Variants in SPINK13 observed in about 807,000 individuals in gnomAD.
SPINK13 encodes the protein serine peptidase inhibitor Kazal type 13.
Under a neutral mutation model 11.0 loss-of-function variants are expected in SPINK13, and 11 were observed. The ratio of observed to expected loss-of-function variants is 1.00; its 90% CI spans 0.63 to 1.65. The LOEUF is 1.65. Among genes scored for constraint, SPINK13 ranks in the 40% most tolerant of loss-of-function variants. SPINK13 has a pLI of 0.00. For synonymous variants in SPINK13, 31 were observed against 35.6 expected (o/e 0.87, Z 0.46); for missense variants, 113 against 117.7 (o/e 0.96, Z 0.19).
In SPINK13 at chr5:148,286,095, C is replaced by A; in HGVS notation, c.*47C>A. Reference sequence around the variant, plus strand: ...TTGCTTATTCTTTTTCTACTTAATTCAGAATAGTATTTCTTTTAGAGTGTG... The same window carrying A: ...TTGCTTATTCTTTTTCTACTTAATTAAGAATAGTATTTCTTTTAGAGTGTG... On this transcript the variant is annotated 3_prime_UTR_variant, in exon 5 of 5. Transcript: ENST00000398450. The A allele has an allele frequency of 1.7e-6, 2 of 1,199,042 alleles. No individual in the cohort carries two copies. Among genetic ancestry groups the A allele is most frequent in the South Asian group, 1.5e-5 (1 of 64,798 alleles). 74.3% of individuals were successfully genotyped at this position (1,199,042 alleles called of 1,614,324 possible).
chr5:148,269,283 A>C (rs1408030882), intron 1 of SPINK13, among the ~76,000 whole-genome samples: 1 of 152,210 alleles, frequency 6.6e-6, no homozygotes, highest in Non-Finnish European at 1.5e-5. Flanking sequence ...ATACTTTCTG[A>C]GGCCTACACT....
At position 148,270,020 on chromosome 5, in the gene SPINK13, A is replaced by C. The variant is rs1756326287; in HGVS notation, c.-33-20A>C. 6.3e-7 allele frequency: 1 copy of C among 1,577,012 alleles called. No homozygotes were observed. Among genetic ancestry groups the C allele is most frequent in the African/African-American group, 1.4e-5 (1 of 74,002 alleles). On this transcript the variant is annotated intron_variant, in intron 1 of 4. Transcript: ENST00000398450. ...GCTAGCTGTGGGGGAAACTAAAAAC[A>C]ATCTTGGGCATGTTCACAGGCCTTA...
At position 148,269,589 on chromosome 5, in the gene SPINK13, G is replaced by A. The variant is rs192045675; in HGVS notation, c.-33-451G>A. Among the ~76,000 whole-genome samples the A allele has an allele frequency of 2.0e-5, 3 of 152,224 alleles. No homozygotes were observed. In the East Asian group the frequency reaches 5.8e-4, roughly 29 times the overall value. On this transcript the variant is annotated intron_variant, in intron 1 of 4. Coordinates refer to ENST00000398450, the MANE Select transcript of SPINK13 (RefSeq NM_001040129.3). ...ATCTCAGGGAATCACATGTTATAGG[G>A]TTATATGTCCAAGATTGTACAGGAC...
At chr5:148,273,971 C>T (rs1003991921) in intron 2 of SPINK13, among the ~76,000 whole-genome samples, 3 of 152,250 alleles carry the variant, frequency 2.0e-5, no homozygotes, top group South Asian at 4.2e-4. Flanking sequence ...TGATACATTA[C>T]TTACTATATC....
chr5:148,277,868 C>A (rs1756454904), intron 3 of SPINK13, among the ~76,000 whole-genome samples: 2 of 152,100 alleles, frequency 1.3e-5, no homozygotes, highest in African/African-American at 4.8e-5. Flanking sequence ...CTCTTTGTAC[C>A]TCTGGTAGAA....
At chr5:148,279,904 C>G (rs1235350957) in intron 3 of SPINK13, among the ~76,000 whole-genome samples, 2 of 152,184 alleles carry the variant, frequency 1.3e-5, no homozygotes, top group African/African-American at 4.8e-5. Context: ...TTCTCCCCAT[C>G]ACTTTCAAGT....
intron 1 of SPINK13, 106 bp from the exon 2 acceptor site, chr5:148,269,934 C>A (rs1756323454): frequency 2.9e-6 from 2 of 689,226 alleles, no homozygotes; most frequent in African/African-American, 1.8e-5. Context: ...GTATAAATCA[C>A]CAGGGCAAGT....
chr5:148,277,668 T>C (rs1756452071), intron 3 of SPINK13, among the ~76,000 whole-genome samples: 1 of 152,178 alleles, frequency 6.6e-6, no homozygotes, highest in Non-Finnish European at 1.5e-5. Flanking sequence ...TGCTGCTGGA[T>C]TCAGTTTGCC....
chr5:148,276,933 G>A (rs1756438613), intron 3 of SPINK13, among the ~76,000 whole-genome samples: 1 of 152,128 alleles, frequency 6.6e-6, no homozygotes, highest in South Asian at 2.1e-4. Context: ...CGATTTGTTT[G>A]TATCCTCTCT....
chr5:148,285,501 C>A (rs1420335480), intron 4 of SPINK13, among the ~76,000 whole-genome samples: 1 of 152,042 alleles, frequency 6.6e-6, no homozygotes, highest in Non-Finnish European at 1.5e-5. Flanking sequence ...CTGAAAGGAA[C>A]ATTATGTATT....
intron 2 of SPINK13, among the ~76,000 whole-genome samples, 198 bp downstream of exon 2, chr5:148,270,340 C>T (rs567938079): frequency 1.6e-4 from 24 of 152,224 alleles, no homozygotes; most frequent in Non-Finnish European, 2.5e-4. Context: ...GTCACAACCT[C>T]GTGTCTATTC....
chr5:148,284,497 C>T (rs909122205), intron 4 of SPINK13, among the ~76,000 whole-genome samples: 1 of 152,188 alleles, frequency 6.6e-6, no homozygotes. Flanking sequence ...TCATATCAAA[C>T]ATATCTTATT....
chr5:148,277,412 T>A (rs1227489886), intron 3 of SPINK13, among the ~76,000 whole-genome samples: 4 of 152,146 alleles, frequency 2.6e-5, no homozygotes, highest in Non-Finnish European at 4.4e-5. Flanking sequence ...TGGCTGTGGG[T>A]TTGTCATAAA....
chr5:148,272,712 C>T (rs1407531615), intron 2 of SPINK13, among the ~76,000 whole-genome samples: 4 of 152,176 alleles, frequency 2.6e-5, no homozygotes, highest in African/African-American at 9.6e-5. Context: ...TCAGGTCTGT[C>T]TTTAACAAAT....
chr5:148,285,343 G>A (rs1387386516), intron 4 of SPINK13, among the ~76,000 whole-genome samples: 1 of 152,124 alleles, frequency 6.6e-6, no homozygotes, highest in Non-Finnish European at 1.5e-5. Context: ...GAAGTCTCTT[G>A]AAGAACGAGA....
chr5:148,274,197 G>A, intron 2 of SPINK13, 150 bp from the exon 3 acceptor site: 1 of 477,520 alleles, frequency 2.1e-6, no homozygotes. Flanking sequence ...AAAAAGGAAT[G>A]TTACTGCAAA....
At chr5:148,274,218 A>G in intron 2 of SPINK13, 129 bp from the exon 3 acceptor site, 1 of 561,444 alleles carries the variant, frequency 1.8e-6, no homozygotes, top group Admixed American at 3.0e-5. Flanking sequence ...TTCTATTGCT[A>G]TTAAAATTCT....
Position 148,286,073 on chromosome 5 carries a change from C to T in SPINK13, c.*25C>T, listed in dbSNP as rs576676175. 7.3e-6 allele frequency: 10 copies of T among 1,368,480 alleles called. No individual in the cohort carries two copies. The highest frequency in any genetic ancestry group is 1.5e-5 in the African/African-American group (1 of 65,462). The allele number at this position is 1,368,480 out of a possible 1,614,324, so 84.8% of individuals were successfully genotyped here. On this transcript the variant is annotated 3_prime_UTR_variant, in exon 5 of 5. Transcript: ENST00000398450. ...ATGGGTACCAGAGTAACTACACTTG[C>T]TTATTCTTTTTCTACTTAATTCAGA...
At chr5:148,269,424 G>A (rs1295116875) in intron 1 of SPINK13, among the ~76,000 whole-genome samples, 2 of 152,040 alleles carry the variant, frequency 1.3e-5, no homozygotes, top group African/African-American at 4.8e-5. Flanking sequence ...TTGCATCAGG[G>A]AAGGTATACA....
Sources: allele counts gnomAD v4.1 joint callset (sites outside exome capture counted in the v4.1 genomes callset), GRCh38; gene constraint gnomAD v4.1.1; transcripts MANE v1.5; gene names NCBI Gene and HGNC (gene_info 2026-07-23, HGNC 2026-07-21).